Variants in OXCT1 observed in about 807,000 individuals in gnomAD.
The protein encoded by OXCT1 is 3-oxoacid CoA-transferase 1.
Under a neutral mutation model 69.6 loss-of-function variants are expected in OXCT1, and 27 were observed. The observed-to-expected ratio is 0.39, with a 90% CI of 0.29 to 0.54. OXCT1 has a LOEUF of 0.54. Ranked by LOEUF, OXCT1 falls within the 20% of genes least tolerant of loss-of-function variation. The probability of loss-of-function intolerance (pLI) is 0.72; values close to 1 mark genes in which losing one functional copy is unlikely to be tolerated. For synonymous variants in OXCT1, 202 were observed against 217.8 expected (o/e 0.93, Z 0.64); for missense variants, 437 against 650.2 (o/e 0.67, Z 3.57).
chr5:41,847,478 A>T (rs201599120), intron 5 of OXCT1, among the ~76,000 whole-genome samples: 36 of 151,612 alleles, frequency 2.4e-4, no homozygotes, highest in Non-Finnish European at 4.6e-4. Flanking sequence ...ACTCAACCAA[A>T]AAAGAGAATT....
At chr5:41,793,630 GTTAA>G (rs1218357970) in intron 13 of OXCT1, among the ~76,000 whole-genome samples, 6 of 152,206 alleles carry the variant, frequency 3.9e-5, no homozygotes, top group Non-Finnish European at 8.8e-5. Context: ...AATTAGCAAA[GTTAA>G]TTAACAACGC....
chr5:41,776,065 G>C (rs1055489004), intron 13 of OXCT1, among the ~76,000 whole-genome samples: 2 of 152,064 alleles, frequency 1.3e-5, no homozygotes, highest in African/African-American at 4.8e-5. Context: ...TCATCATGAG[G>C]GATGCAATGT....
intron 7 of OXCT1, among the ~76,000 whole-genome samples, chr5:41,828,454 G>A (rs1747924785): frequency 6.6e-6 from 1 of 152,030 alleles, no homozygotes; most frequent in African/African-American, 2.4e-5. Context: ...TGAGAAACTG[G>A]CCGTCAAGTA....
intron 16 of OXCT1, among the ~76,000 whole-genome samples, chr5:41,735,862 C>G (rs1351923144): frequency 1.3e-5 from 2 of 152,202 alleles, no homozygotes; most frequent in African/African-American, 4.8e-5. Flanking sequence ...GAGGTCTTCA[C>G]CTAGAAAGCA....
intron 3 of OXCT1, among the ~76,000 whole-genome samples, chr5:41,860,084 A>G (rs1314693291): frequency 1.3e-5 from 2 of 151,858 alleles, no homozygotes; most frequent in Non-Finnish European, 2.9e-5. Flanking sequence ...AAGTATGTAT[A>G]ATCAAGTCAA....
intron 14 of OXCT1, among the ~76,000 whole-genome samples, chr5:41,750,135 G>GTTTTTTT (rs11291155): frequency 4.6e-4 from 34 of 73,912 alleles, no homozygotes; most frequent in Non-Finnish European, 5.0e-4. Flanking sequence ...GTGTTTTTTG[G>GTTTTTTT]TTTTTTTTTT....
At chr5:41,782,149 T>C (rs1218806879) in intron 13 of OXCT1, among the ~76,000 whole-genome samples, 1 of 151,636 alleles carries the variant, frequency 6.6e-6, no homozygotes, top group Non-Finnish European at 1.5e-5. Context: ...TAATAGTCAT[T>C]GTGACTGGAG....
chr5:41,751,640 AGCT>A (rs1243431307), intron 14 of OXCT1, among the ~76,000 whole-genome samples: 1 of 152,154 alleles, frequency 6.6e-6, no homozygotes, highest in Non-Finnish European at 1.5e-5. Context: ...AATGAATGTT[AGCT>A]GGTACTGTTT....
chr5:41,819,198 GA>G (rs1294818823), intron 7 of OXCT1, among the ~76,000 whole-genome samples: 2 of 152,098 alleles, frequency 1.3e-5, no homozygotes, highest in African/African-American at 4.8e-5. Flanking sequence ...GCAAAATTAG[GA>G]AAAGGAATCC....
intron 13 of OXCT1, among the ~76,000 whole-genome samples, chr5:41,770,086 GCCTTCCCTGTTCA>G (rs1239393624): frequency 6.6e-6 from 1 of 152,154 alleles, no homozygotes; most frequent in Non-Finnish European, 1.5e-5. Context: ...TGAGCCCTTT[GCCTTCCCTGTTCA>G]CCTTCAACCC....
At chr5:41,800,854 T>C (rs1476164548) in intron 11 of OXCT1, among the ~76,000 whole-genome samples, 168 bp downstream of exon 11, 2 of 152,092 alleles carry the variant, frequency 1.3e-5, no homozygotes, top group East Asian at 3.9e-4. Flanking sequence ...TCCTCCTTTA[T>C]CTTGGTCATT....
chr5:41,803,780 G>C (rs1746534458), intron 9 of OXCT1, among the ~76,000 whole-genome samples: 1 of 152,028 alleles, frequency 6.6e-6, no homozygotes, highest in Admixed American at 6.6e-5. Context: ...TGTTGTTAAG[G>C]CATCAAAGAG....
Position 41,862,684 on chromosome 5 carries a change from C to T in OXCT1, c.145G>A (p.Ala49Thr), listed in dbSNP as rs1176969822. 6.2e-7 allele frequency: 1 copy of T among 1,612,956 alleles called. No individual in the cohort carries two copies. Among genetic ancestry groups the T allele is most frequent in the Non-Finnish European group, 8.5e-7 (1 of 1,179,256 alleles). ...GCACCATCAGGGATGTCTTTTACAG[C>T]TTCTACTGGATCTGTATAAAACTTG... Reference protein sequence around the residue: ...HTKFYTDPVEAVKDIPDGATV... With the variant: ...HTKFYTDPVETVKDIPDGATV... Residue 49 changes from alanine to threonine, a missense_variant, in exon 2 of 17, where the codon GCT becomes ACT. Around this residue, in one of 4 missense-constraint regions of OXCT1, gnomAD observed 79 missense variants for 61.5 expected, o/e 1.28. Transcript: ENST00000196371.
chr5:41,824,982 T>G (rs2112342894), intron 7 of OXCT1, among the ~76,000 whole-genome samples: 1 of 152,318 alleles, frequency 6.6e-6, no homozygotes, highest in African/African-American at 2.4e-5. Flanking sequence ...ATGGCAAAAC[T>G]TGTATCCTTT....
intron 15 of OXCT1, among the ~76,000 whole-genome samples, chr5:41,743,499 C>T (rs1743299843): frequency 6.6e-6 from 1 of 152,276 alleles, no homozygotes; most frequent in East Asian, 1.9e-4. Context: ...TCCCATTTGT[C>T]AATTTTGGCT....
intron 7 of OXCT1, among the ~76,000 whole-genome samples, chr5:41,835,299 C>T (rs1748296763): frequency 6.6e-6 from 1 of 152,040 alleles, no homozygotes; most frequent in South Asian, 2.1e-4. Flanking sequence ...CTGAACAGCC[C>T]AATAATCATA....
intron 3 of OXCT1, among the ~76,000 whole-genome samples, chr5:41,859,046 G>A (rs188127720): frequency 6.6e-6 from 1 of 152,264 alleles, no homozygotes; most frequent in African/African-American, 2.4e-5. Context: ...TGAGTAACGA[G>A]ATGAGCTATC....
chr5:41,751,465 A>G (rs1283620275), intron 14 of OXCT1, among the ~76,000 whole-genome samples: 1 of 152,132 alleles, frequency 6.6e-6, no homozygotes, highest in Admixed American at 6.6e-5. Context: ...ACACTATAGC[A>G]TAGTGGTTAA....
intron 7 of OXCT1, among the ~76,000 whole-genome samples, chr5:41,824,596 C>G (rs1579816286): frequency 6.6e-6 from 1 of 152,204 alleles, no homozygotes; most frequent in East Asian, 1.9e-4. Context: ...ATTTTGAGTG[C>G]AAACATATTC....
Sources: gnomAD v4.1 joint callset for allele counts (sites outside exome capture counted in the v4.1 genomes callset) on GRCh38, gnomAD v4.1.1 for gene constraint, gnomAD v4.1.1 regional missense constraint, MANE v1.5 for transcripts, NCBI Gene and HGNC (gene_info 2026-07-23, HGNC 2026-07-21) for gene names.